The following RRAGC variants were observed in gnomAD, a reference collection of about 807,000 sequenced individuals.
RRAGC encodes the protein Ras related GTP binding C.
A neutral mutation model predicts 37.1 loss-of-function variants in RRAGC; 8 were observed. The observed-to-expected ratio is 0.22, with a 90% CI of 0.13 to 0.39. The LOEUF (loss-of-function observed/expected upper bound fraction) is 0.39. RRAGC is among the 10% of genes least tolerant of loss of function. The pLI is 1.00. For missense variants in RRAGC, 342 were observed against 497.6 expected, an observed-to-expected ratio of 0.69 and a Z score of 2.98; for synonymous variants, 190 against 181.1, an observed-to-expected ratio of 1.05 and a Z score of -0.39.
chr1:38,844,951 C>T (rs1642010254), intron 6 of RRAGC, among the ~76,000 whole-genome samples: 1 of 152,036 alleles, frequency 6.6e-6, no homozygotes, highest in Non-Finnish European at 1.5e-5. Context: ...GTTAGGATGG[C>T]GATTATTAAA....
intron 1 of RRAGC, among the ~76,000 whole-genome samples, 192 bp from the exon 2 acceptor site, chr1:38,857,274 T>C (rs1390921466): frequency 6.6e-6 from 1 of 152,214 alleles, no homozygotes; most frequent in Non-Finnish European, 1.5e-5. Context: ...CAAATTAATT[T>C]CCATTAAATC....
At chr1:38,851,838 A>G in intron 4 of RRAGC, 81 bp from the exon 5 acceptor site, 1 of 1,275,948 alleles carries the variant, frequency 7.8e-7, no homozygotes, top group Non-Finnish European at 1.1e-6. Flanking sequence ...GAATTACTGA[A>G]TAACATCCAA....
chr1:38,841,393 G>A (rs1049638778), intron 6 of RRAGC, among the ~76,000 whole-genome samples: 1 of 150,696 alleles, frequency 6.6e-6, no homozygotes, highest in Admixed American at 6.6e-5. Flanking sequence ...TATAGACAGG[G>A]TCTCACTCTG....
At chr1:38,846,142 C>T (rs1485534982) in intron 5 of RRAGC, 55 bp from the exon 6 acceptor site, 1 of 1,380,090 alleles carries the variant, frequency 7.2e-7, no homozygotes, top group East Asian at 2.3e-5. Context: ...GCATCTGCCA[C>T]ATTTAATCTG....
chr1:38,846,128 C>A (rs1642024898), intron 5 of RRAGC, 41 bp from the exon 6 acceptor site: 2 of 1,512,028 alleles, frequency 1.3e-6, no homozygotes, highest in Non-Finnish European at 1.8e-6. Flanking sequence ...GGTTTCCCAT[C>A]TAGGCATCTG....
Position 38,856,817 on chromosome 1 carries a change from C to T in RRAGC, c.441+62G>A, listed in dbSNP as rs572554982. On this transcript the variant is annotated intron_variant, in intron 2 of 6. Coordinates refer to ENST00000373001, the MANE Select transcript of RRAGC (RefSeq NM_022157.4). The stretch of plus-strand genomic sequence containing the variant: ...ACCACATGACAAAGAAGATAAACAA[C>T]TTTCCTTTGTTTCTACATCTTTTTC... The T allele has an allele frequency of 3.3e-6, 5 of 1,500,146 alleles. No homozygotes were observed. In the South Asian group the frequency reaches 3.4e-5, roughly 10 times the overall value. 92.9% of individuals were successfully genotyped at this position (1,500,146 alleles called of 1,614,324 possible). A position where few individuals can be genotyped will look rare whatever the true frequency, so the allele number is the denominator to read the frequency against.
At chr1:38,844,450 A>C (rs1322002484) in intron 6 of RRAGC, among the ~76,000 whole-genome samples, 1 of 148,828 alleles carries the variant, frequency 6.7e-6, no homozygotes, top group East Asian at 2.1e-4. Flanking sequence ...GGACTGAGGA[A>C]AAAAAAAAAA....
intron 5 of RRAGC, chr1:38,847,973 G>A (rs1378684717): frequency 2.7e-5 from 4 of 149,956 alleles, no homozygotes; most frequent in East Asian, 2.0e-4. Context: ...CCAGGAGGTC[G>A]AGGCTGCAGT....
chr1:38,859,486 G>A lies in RRAGC; in HGVS notation c.161C>T (p.Pro54Leu), dbSNP rs982735746. 5.2e-6 allele frequency: 8 copies of A among 1,547,778 alleles called. No homozygotes were observed. The highest frequency in any genetic ancestry group is 2.4e-5 in the East Asian group (1 of 40,902). Residue 54 changes from proline to leucine, a missense_variant, in exon 1 of 7, where the codon CCG becomes CTG. Coordinates refer to ENST00000373001, the MANE Select transcript of RRAGC (RefSeq NM_022157.4). ...CGGCTTGGAGCTGTCAGCGCCCCCC[G>A]GACCACAGCCACCGCCTGCCCCTGC... is the stretch of plus-strand genomic sequence containing the variant. ...VGAGAGGGCG[P>L]GGADSSKPRI...
At chr1:38,850,630 A>C (rs938591069) in intron 5 of RRAGC, among the ~76,000 whole-genome samples, 1 of 152,134 alleles carries the variant, frequency 6.6e-6, no homozygotes, top group African/African-American at 2.4e-5. Context: ...ACTCAGAGGC[A>C]GCTGGAGAAA....
At chr1:38,850,572 T>C (rs781736137) in intron 5 of RRAGC, among the ~76,000 whole-genome samples, 2 of 150,836 alleles carry the variant, frequency 1.3e-5, no homozygotes, top group Non-Finnish European at 3.0e-5. Context: ...ATCATAAAAG[T>C]TAAAGGAATA....
At chr1:38,856,827 T>C in intron 2 of RRAGC, 52 bp downstream of exon 2, 1 of 1,552,520 alleles carries the variant, frequency 6.4e-7, no homozygotes, top group Non-Finnish European at 8.9e-7. Flanking sequence ...CTTTCCTTTG[T>C]TTCTACATCT....
At chr1:38,844,358 A>G (rs1167173101) in intron 6 of RRAGC, among the ~76,000 whole-genome samples, 1 of 151,772 alleles carries the variant, frequency 6.6e-6, no homozygotes, top group Non-Finnish European at 1.5e-5. Flanking sequence ...TTTCAATCAC[A>G]TAGAGAAGAT....
chr1:38,856,779 G>C lies in RRAGC; in HGVS notation c.441+100C>G, dbSNP rs949740372. On this transcript the variant is annotated intron_variant, in intron 2 of 6. Coordinates refer to ENST00000373001, the MANE Select transcript of RRAGC (RefSeq NM_022157.4). The stretch of plus-strand genomic sequence containing the variant: ...CACTGTTAGGGAATCTACTGCCAAA[G>C]AGATAAGCTGCAACCACATGACAAA... The C allele has an allele frequency of 1.1e-4, 126 of 1,155,508 alleles. 1 individual carries two copies. The Middle Eastern group carries it at 2.7e-3, about 25-fold the overall frequency. 71.6% of individuals were successfully genotyped at this position (1,155,508 alleles called of 1,614,324 possible).
chr1:38,850,002 C>T (rs1439884103), intron 5 of RRAGC, among the ~76,000 whole-genome samples: 1 of 151,254 alleles, frequency 6.6e-6, no homozygotes, highest in Non-Finnish European at 1.5e-5. Flanking sequence ...GTCAGGAGTT[C>T]GAGACCAGCC....
At chr1:38,853,694 C>G (rs1433114664) in intron 3 of RRAGC, among the ~76,000 whole-genome samples, 1 of 151,764 alleles carries the variant, frequency 6.6e-6, no homozygotes, top group African/African-American at 2.4e-5. Flanking sequence ...TTGCGGTGAG[C>G]CGAGATGGCA....
rs559427185 is a variant in RRAGC, at chr1:38,852,225, A to G, written c.756+149T>C. On this transcript the variant is annotated intron_variant, in intron 4 of 6. Transcript: ENST00000373001. Reference sequence around the variant, plus strand: ...CAGAAAATAACTTGAATAATATGTTATCATTTATTTTACATGTTAAGTGGG... The same window carrying G: ...CAGAAAATAACTTGAATAATATGTTGTCATTTATTTTACATGTTAAGTGGG... 53 of 618,602 alleles carry G rather than the reference A, an allele frequency of 8.6e-5. No homozygotes were observed. The South Asian group carries it at 9.2e-4, about 11-fold the overall frequency. 38.3% of individuals were successfully genotyped at this position (618,602 alleles called of 1,614,324 possible).
chr1:38,844,438 C>T (rs112136360), intron 6 of RRAGC, among the ~76,000 whole-genome samples: 45 of 135,314 alleles, frequency 3.3e-4, no homozygotes, highest in African/African-American at 1.2e-3. Flanking sequence ...CTCTGACAAA[C>T]AGGACTGAGG....
rs4970562 is a variant in RRAGC, at chr1:38,838,575, A to G, written c.*978T>C. On this transcript the variant is annotated 3_prime_UTR_variant, in exon 7 of 7. Coordinates refer to ENST00000373001, the MANE Select transcript of RRAGC (RefSeq NM_022157.4). ...AGTTGACACTTGGTGTCAGAATACT[A>G]GAGACAAAGTATGTAAAACAATGCC... 149,357 of 152,364 alleles carry G rather than the reference A, an allele frequency of 0.98. 73,216 individuals are homozygous for G. The highest frequency in any genetic ancestry group is 1 in the East Asian group (5,186 of 5,188). 9.4% of individuals were successfully genotyped at this position (152,364 alleles called of 1,614,324 possible). A position where few individuals can be genotyped will look rare whatever the true frequency, so the allele number is the denominator to read the frequency against.
Sources: gnomAD v4.1 joint callset for allele counts (sites outside exome capture counted in the v4.1 genomes callset) on GRCh38, gnomAD v4.1.1 for gene constraint, MANE v1.5 for transcripts, NCBI Gene and HGNC (gene_info 2026-07-23, HGNC 2026-07-21) for gene names.